ZNF423: variants seen among roughly 807,000 people sequenced by gnomAD.
ZNF423 encodes the protein zinc finger protein 423.
A neutral mutation model predicts 95.8 loss-of-function variants in ZNF423; 12 were observed. That is an observed-to-expected ratio of 0.13 (90% CI 0.08 to 0.20). The LOEUF is 0.20. ZNF423 is among the 10% of genes least tolerant of loss of function. The pLI, the probability that ZNF423 is intolerant of heterozygous loss-of-function variation, is 1.00. For synonymous variants in ZNF423, 749 were observed against 711.9 expected (o/e 1.05, Z -0.83); for missense variants, 1,316 against 1,737.1 (o/e 0.76, Z 4.31).
chr16:49,590,066 C>G (rs963059496), intron 5 of ZNF423, among the ~76,000 whole-genome samples: 2 of 112,034 alleles, frequency 1.8e-5, no homozygotes, highest in African/African-American at 6.6e-5. Context: ...TCCATACAGA[C>G]GTGACCAGAG....
At chr16:49,514,091 C>G (rs1260478238) in intron 7 of ZNF423, among the ~76,000 whole-genome samples, 1 of 151,786 alleles carries the variant, frequency 6.6e-6, no homozygotes, top group Non-Finnish European at 1.5e-5. Flanking sequence ...TTGGTACTGG[C>G]TCTTCCCTCT....
At chr16:49,793,171 C>T (rs988979990) in intron 1 of ZNF423, among the ~76,000 whole-genome samples, 10 of 151,506 alleles carry the variant, frequency 6.6e-5, no homozygotes, top group African/African-American at 2.4e-4. Flanking sequence ...CTCCCCACAG[C>T]TGCACTCTTC....
At chr16:49,554,896 G>A (rs1398085815) in intron 5 of ZNF423, among the ~76,000 whole-genome samples, 1 of 151,986 alleles carries the variant, frequency 6.6e-6, no homozygotes. Context: ...CACAGCTGGT[G>A]CTCGACACAT....
intron 7 of ZNF423, among the ~76,000 whole-genome samples, chr16:49,511,979 T>C (rs775596077): frequency 6.6e-5 from 10 of 152,232 alleles, no homozygotes; most frequent in Admixed American, 5.9e-4. Flanking sequence ...GTAGCACTTA[T>C]GTTGTATTTA....
chr16:49,857,551 A>T (rs541317759), upstream of ZNF423, among the ~76,000 whole-genome samples: 1 of 152,244 alleles, frequency 6.6e-6, no homozygotes, highest in South Asian at 2.1e-4. The surrounding 1 kb of genome is among the most constrained non-coding windows in gnomAD (Gnocchi z 6.2). Context: ...ACGCACATGA[A>T]CTATCCAGGG....
At chr16:49,573,384 T>C (rs1970408830) in intron 5 of ZNF423, among the ~76,000 whole-genome samples, 1 of 152,244 alleles carries the variant, frequency 6.6e-6, no homozygotes, top group African/African-American at 2.4e-5. Flanking sequence ...CTCCATTTTC[T>C]GTTGCTATAA....
At chr16:49,771,718 T>A (rs1192300059) in intron 2 of ZNF423, among the ~76,000 whole-genome samples, 1 of 152,218 alleles carries the variant, frequency 6.6e-6, no homozygotes, top group African/African-American at 2.4e-5. Context: ...TGCTCTTCCT[T>A]TGCCTTTCAC....
Position 49,637,972 on chromosome 16 carries a change from GC to G in ZNF423, c.1203del (p.Gln402ArgfsTer36). 6.2e-7 allele frequency: 1 copy of G among 1,614,108 alleles called. No individual in the cohort carries two copies. Among genetic ancestry groups the G allele is most frequent in the Non-Finnish European group, 8.5e-7 (1 of 1,180,036 alleles). On this transcript the variant is annotated frameshift_variant, in exon 4 of 8. Transcript: ENST00000563137. LOFTEE classifies it high-confidence loss of function. The surrounding 1 kb of genome is among the most constrained non-coding windows in gnomAD (Gnocchi z 5.6). Reference protein sequence around the residue: ...TPDSTLKPLRGQKKMRDDGQG... With the variant: ...TPDSTLKPLRXQKKMRDDGQG... ...TGCCCGTCATCCCGCATCTTCTTCT[GC>G]CCCCGCAGCGGCTTCAAGGTGGAGT...
intron 4 of ZNF423, among the ~76,000 whole-genome samples, chr16:49,626,837 T>C (rs560056513): frequency 7.4e-6 from 1 of 135,492 alleles, no homozygotes; most frequent in Admixed American, 7.4e-5. Flanking sequence ...CACCCACCAA[T>C]AGACCCATCC....
chr16:49,696,889 C>A (rs1435097094), intron 3 of ZNF423, among the ~76,000 whole-genome samples: 3 of 152,240 alleles, frequency 2.0e-5, no homozygotes, highest in Non-Finnish European at 4.4e-5. Flanking sequence ...CAGCTGCCAG[C>A]CTGCAGAGCG....
intron 3 of ZNF423, among the ~76,000 whole-genome samples, chr16:49,663,336 C>G (rs2030343423): frequency 6.6e-6 from 1 of 152,212 alleles, no homozygotes; most frequent in East Asian, 1.9e-4. Flanking sequence ...CAGCCTCTTC[C>G]TGAGGAGAAC....
At chr16:49,721,114 G>T (rs146466783) in intron 3 of ZNF423, among the ~76,000 whole-genome samples, 8 of 152,200 alleles carry the variant, frequency 5.3e-5, no homozygotes, top group African/African-American at 1.2e-4. Context: ...GTCTCTGGAG[G>T]CCCTGGAGGA....
At chr16:49,822,657 C>T in intron 1 of ZNF423, 1 of 1,608,316 alleles carries the variant, frequency 6.2e-7, no homozygotes, top group Non-Finnish European at 8.5e-7. Flanking sequence ...AGCCCAAGGC[C>T]TCCCCTGCTC....
chr16:49,584,100 G>A (rs959177348), intron 5 of ZNF423, among the ~76,000 whole-genome samples: 4 of 152,202 alleles, frequency 2.6e-5, no homozygotes, highest in Non-Finnish European at 4.4e-5. Flanking sequence ...ACACCCATGT[G>A]CTTAGAGAAG....
At chr16:49,598,842 G>A (rs1277520844) in intron 5 of ZNF423, among the ~76,000 whole-genome samples, 1 of 152,250 alleles carries the variant, frequency 6.6e-6, no homozygotes, top group Admixed American at 6.5e-5. Flanking sequence ...CTGCAGCACT[G>A]TAAATGGTTG....
intron 5 of ZNF423, among the ~76,000 whole-genome samples, chr16:49,588,132 T>C (rs549768533): frequency 6.6e-6 from 1 of 152,244 alleles, no homozygotes; most frequent in Non-Finnish European, 1.5e-5. Flanking sequence ...CCAGATGGCA[T>C]GAGAGGAAAA....
chr16:49,755,395 T>C (rs772501972), intron 2 of ZNF423, among the ~76,000 whole-genome samples: 4 of 152,172 alleles, frequency 2.6e-5, no homozygotes, highest in South Asian at 2.1e-4. Flanking sequence ...ACCACCTTAA[T>C]TGGGAACTCT....
chr16:49,819,868 C>T (rs779534700), intron 1 of ZNF423, among the ~76,000 whole-genome samples: 9 of 152,176 alleles, frequency 5.9e-5, no homozygotes, highest in Non-Finnish European at 1.0e-4. Flanking sequence ...CAATAAATTA[C>T]ATGAGATATT....
chr16:49,644,986 C>G (rs1973123227), intron 3 of ZNF423, among the ~76,000 whole-genome samples: 1 of 152,190 alleles, frequency 6.6e-6, no homozygotes, highest in African/African-American at 2.4e-5. Context: ...TTCATGCTCT[C>G]TATAGCCCCT....
Sources: gnomAD v4.1 joint callset for allele counts (sites outside exome capture counted in the v4.1 genomes callset) on GRCh38, gnomAD v4.1.1 for gene constraint, Gnocchi (gnomAD v3.1) non-coding constraint, MANE v1.5 for transcripts, NCBI Gene and HGNC (gene_info 2026-07-23, HGNC 2026-07-21) for gene names.